The following DCC variants were observed in gnomAD, a reference collection of about 807,000 sequenced individuals.
DCC encodes the protein netrin receptor DCC.
A neutral mutation model predicts 172.5 loss-of-function variants in DCC; 58 were observed. The observed-to-expected ratio is 0.34, with a 90% CI of 0.27 to 0.42. DCC has a LOEUF of 0.42. Among genes scored for constraint, DCC ranks in the 10% least tolerant of loss-of-function variants. DCC has a pLI of 1.00. For synonymous variants in DCC, 709 were observed against 644.5 expected (o/e 1.10, Z -1.52); for missense variants, 1,740 against 1,791.0 (o/e 0.97, Z 0.51).
intron 25 of DCC, among the ~76,000 whole-genome samples, chr18:53,476,192 G>C (rs956096489): frequency 2.0e-5 from 3 of 152,214 alleles, no homozygotes; most frequent in African/African-American, 4.8e-5. Flanking sequence ...GACTTGCCTT[G>C]TCTCAGATGA....
intron 12 of DCC, among the ~76,000 whole-genome samples, chr18:53,234,407 G>A (rs929293141): frequency 2.4e-4 from 37 of 152,060 alleles, no homozygotes; most frequent in East Asian, 2.3e-3. Context: ...CAGCCTGGGC[G>A]ATAGAGTAAG....
intron 1 of DCC, among the ~76,000 whole-genome samples, chr18:52,514,291 A>G (rs2031547019): frequency 6.6e-6 from 1 of 152,188 alleles, no homozygotes; most frequent in Non-Finnish European, 1.5e-5. Flanking sequence ...ATGTATTGAA[A>G]GATTCAGGAT....
At chr18:53,209,190 A>C (rs1365779277) in intron 11 of DCC, among the ~76,000 whole-genome samples, 1 of 152,234 alleles carries the variant, frequency 6.6e-6, no homozygotes, top group Non-Finnish European at 1.5e-5. Context: ...ACAAATCTTA[A>C]TAAAGAGAAT....
intron 2 of DCC, among the ~76,000 whole-genome samples, chr18:52,787,278 A>G (rs1460330564): frequency 3.3e-5 from 5 of 152,124 alleles, no homozygotes; most frequent in Non-Finnish European, 7.4e-5. Context: ...CAATGTTACA[A>G]TCTTCAAAAC....
At chr18:53,253,236 C>T (rs894917209) in intron 12 of DCC, among the ~76,000 whole-genome samples, 7 of 151,810 alleles carry the variant, frequency 4.6e-5, no homozygotes, top group Admixed American at 6.6e-5. Context: ...TTGAAGTTTC[C>T]GTCCACCCCC....
intron 2 of DCC, among the ~76,000 whole-genome samples, chr18:52,833,193 T>A (rs940096070): frequency 2.0e-5 from 3 of 152,134 alleles, no homozygotes; most frequent in Non-Finnish European, 4.4e-5. Context: ...ACTTAGCAAG[T>A]CCACCTGTCT....
At chr18:53,309,936 A>ATATATACGTG (rs2057245583) in intron 13 of DCC, among the ~76,000 whole-genome samples, 6 of 139,264 alleles carry the variant, frequency 4.3e-5, no homozygotes, top group African/African-American at 1.6e-4. Flanking sequence ...ATATATATAT[A>ATATATACGTG]TATATATACA....
intron 19 of DCC, among the ~76,000 whole-genome samples, chr18:53,405,763 C>A (rs906000378): frequency 6.6e-6 from 1 of 152,094 alleles, no homozygotes; most frequent in Non-Finnish European, 1.5e-5. Context: ...CTTCTGAGAT[C>A]TTTAGTATGA....
intron 7 of DCC, among the ~76,000 whole-genome samples, chr18:53,112,259 T>C (rs2043344205): frequency 6.6e-6 from 1 of 151,618 alleles, no homozygotes; most frequent in Admixed American, 6.6e-5. Context: ...CATTTTTCTA[T>C]AGCAGTCTCT....
At chr18:52,374,050 C>G (rs1017280365) in intron 1 of DCC, among the ~76,000 whole-genome samples, 1 of 151,854 alleles carries the variant, frequency 6.6e-6, no homozygotes, top group Non-Finnish European at 1.5e-5. Context: ...CGCCACCACG[C>G]CTGGATTTTT....
intron 7 of DCC, among the ~76,000 whole-genome samples, chr18:53,086,276 TTTCTTC>T (rs1232363771): frequency 0.038 from 1,560 of 41,598 alleles, 468 homozygotes; most frequent in Admixed American, 0.053. Flanking sequence ...TTCTTCTTCC[TTTCTTC>T]TTCTTCTTCT....
chr18:53,246,292 T>G (rs1187949746), intron 12 of DCC, among the ~76,000 whole-genome samples: 1 of 152,008 alleles, frequency 6.6e-6, no homozygotes, highest in African/African-American at 2.4e-5. Context: ...TCCTGGCTAT[T>G]TACTCACTTT....
chr18:53,437,531 C>G (rs567961500), intron 22 of DCC, among the ~76,000 whole-genome samples: 2 of 134,672 alleles, frequency 1.5e-5, no homozygotes, highest in African/African-American at 5.8e-5. Context: ...TGCAGTGAGC[C>G]GAGATCACAC....
At chr18:53,035,425 T>A in intron 5 of DCC, among the ~76,000 whole-genome samples, 1 of 152,266 alleles carries the variant, frequency 6.6e-6, no homozygotes, top group Non-Finnish European at 1.5e-5. Flanking sequence ...CTAAAGATTC[T>A]GGATTTCACT....
intron 5 of DCC, among the ~76,000 whole-genome samples, chr18:53,029,828 C>A (rs2042004771): frequency 6.6e-6 from 1 of 152,088 alleles, no homozygotes; most frequent in Non-Finnish European, 1.5e-5. Context: ...CAGTCCTCAT[C>A]ATCATTCGTC....
chr18:53,026,057 G>T (rs1411413967), intron 5 of DCC, among the ~76,000 whole-genome samples: 4 of 151,894 alleles, frequency 2.6e-5, no homozygotes, highest in African/African-American at 9.7e-5. Flanking sequence ...AGGGTGATTG[G>T]TCATGGGACT....
At chr18:52,862,733 T>A (rs964744049) in intron 2 of DCC, among the ~76,000 whole-genome samples, 1 of 151,896 alleles carries the variant, frequency 6.6e-6, no homozygotes, top group Non-Finnish European at 1.5e-5. Flanking sequence ...TTAAAAAAAA[T>A]TCAAAAATCA....
At position 52,966,570 on chromosome 18, in the gene DCC, G is replaced by T. The variant is rs561976893; in HGVS notation, c.985+41200G>T. On this transcript the variant is annotated intron_variant, in intron 5 of 28. Transcript: ENST00000442544. The stretch of plus-strand genomic sequence containing the variant: ...TGCCCAATCGGAGGCACCAACAGGA[G>T]AAAATAGATAGGACAGTGAAAAGCA... Among the ~76,000 whole-genome samples, 6 of 152,266 alleles carry T rather than the reference G, an allele frequency of 3.9e-5. No homozygotes were observed. The South Asian group carries it at 1.0e-3, about 26-fold the overall frequency.
In DCC at chr18:52,691,265, AC is replaced by A. The variant is rs568782763; in HGVS notation, c.92-60786del. On this transcript the variant is annotated intron_variant, in intron 1 of 28. Coordinates refer to ENST00000442544, the MANE Select transcript of DCC (RefSeq NM_005215.4). ...GCACTTTTTCCTGTGTTTAGAGATCACCCTGCAGGAACATCAGTGCCCTGGC... is the reference window on the plus strand; with the variant it reads ...GCACTTTTTCCTGTGTTTAGAGATCACCTGCAGGAACATCAGTGCCCTGGC... 9.9e-4 allele frequency among the ~76,000 whole-genome samples: 150 copies of A among 152,196 alleles called. 1 individual carries two copies. Among genetic ancestry groups the A allele is most frequent in the Non-Finnish European group, 1.7e-3 (117 of 68,006 alleles).
Sources: allele counts gnomAD v4.1 joint callset (sites outside exome capture counted in the v4.1 genomes callset), GRCh38; gene constraint gnomAD v4.1.1; transcripts MANE v1.5; gene names NCBI Gene and HGNC (gene_info 2026-07-23, HGNC 2026-07-21).